The following NEMF variants were observed in gnomAD, a reference collection of about 807,000 sequenced individuals.
NEMF encodes ribosome quality control complex subunit NEMF.
A neutral mutation model predicts 162.2 loss-of-function variants in NEMF; 89 were observed. That is an observed-to-expected ratio of 0.55 (90% confidence interval 0.46 to 0.65). The LOEUF is 0.65. Among genes scored for constraint, NEMF ranks in the 30% least tolerant of loss-of-function variants. The probability of loss-of-function intolerance (pLI) is 0.00; values close to 1 mark genes in which losing one functional copy is unlikely to be tolerated. For missense variants in NEMF, 1,133 were observed against 1,261.9 expected, an observed-to-expected ratio of 0.90 and a Z score of 1.55; for synonymous variants, 421 against 404.5, an observed-to-expected ratio of 1.04 and a Z score of -0.49.
chr14:49,795,749 C>A, intron 26 of NEMF, 42 bp downstream of exon 26: 1 of 1,551,140 alleles, frequency 6.4e-7, no homozygotes, highest in South Asian at 1.2e-5. Flanking sequence ...AAAGGAACCT[C>A]ACAAATTAAC....
At chr14:49,799,451 G>C in intron 25 of NEMF, 24 bp downstream of exon 25, 1 of 1,568,286 alleles carries the variant, frequency 6.4e-7, no homozygotes, top group Non-Finnish European at 8.6e-7. Flanking sequence ...ATGCTTTTTA[G>C]TTAATTAACA....
At chr14:49,796,151 T>A in intron 25 of NEMF, 2 of 599,392 alleles carry the variant, frequency 3.3e-6, no homozygotes, top group Non-Finnish European at 6.1e-6. Context: ...CATGGATTTA[T>A]CTTTCTTTCC....
chr14:49,789,099 G>A, intron 28 of NEMF, 47 bp downstream of exon 28: 2 of 1,484,792 alleles, frequency 1.3e-6, no homozygotes, highest in African/African-American at 1.4e-5. Context: ...ACTCCAGGAT[G>A]GGTAATCACC....
chr14:49,798,311 C>T (rs1008825499), intron 25 of NEMF, among the ~76,000 whole-genome samples: 9 of 152,142 alleles, frequency 5.9e-5, no homozygotes, highest in Admixed American at 4.6e-4. Context: ...TTTCACTTTG[C>T]AAATAATCCT....
intron 18 of NEMF, among the ~76,000 whole-genome samples, chr14:49,809,791 G>A (rs1381171151): frequency 6.6e-6 from 1 of 151,882 alleles, no homozygotes; most frequent in East Asian, 2.0e-4. Context: ...AACCTGGGAG[G>A]CAGACGTTGC....
At chr14:49,833,613 A>C in intron 7 of NEMF, 117 bp from the exon 8 acceptor site, 1 of 557,482 alleles carries the variant, frequency 1.8e-6, no homozygotes, top group Non-Finnish European at 3.2e-6. Context: ...GCGTTCAAGA[A>C]AATTAGAGAT....
chr14:49,820,743 G>A (rs926247993), intron 16 of NEMF, among the ~76,000 whole-genome samples: 6 of 152,034 alleles, frequency 3.9e-5, no homozygotes, highest in Non-Finnish European at 5.9e-5. Flanking sequence ...TCAGCCTGCC[G>A]AGTGCCTGCG....
At chr14:49,840,889 T>G in intron 4 of NEMF, 23 bp from the exon 5 acceptor site, 3 of 1,599,746 alleles carry the variant, frequency 1.9e-6, no homozygotes, top group Non-Finnish European at 2.6e-6. Context: ...AAAATACAAT[T>G]TAGCGCTCTT....
At chr14:49,790,626 A>G (rs1441454512) in intron 26 of NEMF, among the ~76,000 whole-genome samples, 1 of 152,354 alleles carries the variant, frequency 6.6e-6, no homozygotes, top group Non-Finnish European at 1.5e-5. Context: ...AAGGCAAACA[A>G]CATGTATGCC....
chr14:49,798,637 G>C (rs900323168), intron 25 of NEMF, among the ~76,000 whole-genome samples: 1 of 152,164 alleles, frequency 6.6e-6, no homozygotes, highest in Non-Finnish European at 1.5e-5. Flanking sequence ...GGCCAGGCGC[G>C]GTGGCTTATG....
intron 29 of NEMF, chr14:49,785,889 C>CA (rs5808514): frequency 0.052 from 6,427 of 124,094 alleles, 553 homozygotes; most frequent in African/African-American, 0.17. Context: ...GACCCTGTCT[C>CA]AAAAAAAAAA....
chr14:49,833,310 A>C (rs1400905334), intron 8 of NEMF, 113 bp downstream of exon 8: 1 of 570,018 alleles, frequency 1.8e-6, no homozygotes, highest in Non-Finnish European at 2.9e-6. Flanking sequence ...TATTACAGAT[A>C]ACAATTTTCC....
rs977550631 is a variant in NEMF at position 49,812,748 on chromosome 14, T to C, written c.1744+1240A>G. On this transcript the variant is annotated intron_variant, in intron 18 of 32. Coordinates refer to ENST00000298310, the MANE Select transcript of NEMF (RefSeq NM_004713.6). ...CCTGGTTTCTAATTTCACCCCATTA[T>C]AGTCAGAAAACTTACTTTGTCTAAT... is the stretch of plus-strand genomic sequence containing the variant. Among the ~76,000 whole-genome samples the C allele has an allele frequency of 3.3e-5, 5 of 152,196 alleles. No individual in the cohort carries two copies. In the East Asian group the frequency reaches 5.8e-4, roughly 18 times the overall value.
At chr14:49,842,907 A>G (rs1048583024) in intron 4 of NEMF, among the ~76,000 whole-genome samples, 13 of 151,646 alleles carry the variant, frequency 8.6e-5, no homozygotes, top group African/African-American at 3.1e-4. Flanking sequence ...TCGGGAGGCT[A>G]AGGCAGGAGA....
intron 6 of NEMF, 89 bp from the exon 7 acceptor site, chr14:49,834,538 A>G: frequency 1.1e-6 from 1 of 885,440 alleles, no homozygotes; most frequent in African/African-American, 1.7e-5. Context: ...CCCGTCGCCC[A>G]GGCCGGAGTG....
chr14:49,845,623 A>G (rs1893462858), intron 4 of NEMF, among the ~76,000 whole-genome samples: 1 of 152,056 alleles, frequency 6.6e-6, no homozygotes, highest in Admixed American at 6.6e-5. Flanking sequence ...TTTCCATTTT[A>G]AATTGTTTTG....
chr14:49,837,116 T>A (rs1892943492), intron 6 of NEMF, among the ~76,000 whole-genome samples: 1 of 151,604 alleles, frequency 6.6e-6, no homozygotes, highest in Non-Finnish European at 1.5e-5. Flanking sequence ...CTACTAAAAA[T>A]ACAAAAAAAA....
intron 26 of NEMF, among the ~76,000 whole-genome samples, chr14:49,794,701 T>C (rs1890608176): frequency 6.9e-6 from 1 of 145,128 alleles, no homozygotes; most frequent in Admixed American, 7.4e-5. Context: ...AATCCCCTCA[T>C]TTTTATACTG....
rs1048725211 is a variant in NEMF at position 49,788,069 on chromosome 14, A to C, written c.2895+1077T>G. On this transcript the variant is annotated intron_variant, in intron 28 of 32. Transcript: ENST00000298310. ...CAAGGCAGGCGGATCACCTGAGATCAGGAGTTCAAGACCAGCCTGGCCAAC... is the reference window on the plus strand; with the variant it reads ...CAAGGCAGGCGGATCACCTGAGATCCGGAGTTCAAGACCAGCCTGGCCAAC... 6.6e-5 allele frequency among the ~76,000 whole-genome samples: 10 copies of C among 152,194 alleles called. No homozygotes were observed. The South Asian group carries it at 1.0e-3, about 16-fold the overall frequency.
Sources: gnomAD v4.1 joint callset for allele counts (sites outside exome capture counted in the v4.1 genomes callset) on GRCh38, gnomAD v4.1.1 for gene constraint, MANE v1.5 for transcripts, NCBI Gene and HGNC (gene_info 2026-07-23, HGNC 2026-07-21) for gene names.